SLC24A2: variants seen among roughly 807,000 people sequenced by gnomAD.
SLC24A2 encodes the protein sodium/potassium/calcium exchanger 2.
Under a neutral mutation model 62.0 loss-of-function variants are expected in SLC24A2, and 36 were observed. The observed-to-expected ratio is 0.58, with a 90% confidence interval of 0.44 to 0.77. The LOEUF (loss-of-function observed/expected upper bound fraction) is 0.77. Among genes scored for constraint, SLC24A2 ranks in the 30% least tolerant of loss-of-function variants. The probability of loss-of-function intolerance (pLI) is 0.00; values close to 1 mark genes in which losing one functional copy is unlikely to be tolerated. For synonymous variants in SLC24A2, 358 were observed against 294.0 expected (o/e 1.22, Z -2.23); for missense variants, 846 against 817.9 (o/e 1.03, Z -0.42).
the SLC24A2 span, among the ~76,000 whole-genome samples, chr9:20,277,306 G>A: frequency 2.0e-5 from 3 of 151,896 alleles, no homozygotes; most frequent in East Asian, 3.9e-4. Context: ...GCAACCTACA[G>A]AATGGGAGAA....
intron 2 of SLC24A2, among the ~76,000 whole-genome samples, chr9:19,629,505 C>A (rs1468600951): frequency 6.6e-6 from 1 of 152,172 alleles, no homozygotes; most frequent in Non-Finnish European, 1.5e-5. Context: ...GAATCACTTA[C>A]TATTGTCATG....
chr9:20,122,992 C>T, the SLC24A2 span, among the ~76,000 whole-genome samples: 4 of 152,262 alleles, frequency 2.6e-5, no homozygotes, highest in African/African-American at 7.2e-5. Flanking sequence ...ATCACCCATT[C>T]GATGCTTTGT....
chr9:19,595,864 AAAT>A (rs1457100326), intron 5 of SLC24A2, among the ~76,000 whole-genome samples: 18 of 152,226 alleles, frequency 1.2e-4, no homozygotes, highest in African/African-American at 4.3e-4. Context: ...GCCAAGAATA[AAAT>A]AATAACTGGG....
the SLC24A2 span, among the ~76,000 whole-genome samples, chr9:20,099,212 G>C: frequency 2.0e-5 from 3 of 152,188 alleles, no homozygotes; most frequent in African/African-American, 7.2e-5. Flanking sequence ...GGTTGACAAT[G>C]ATATTTCTTG....
At chr9:20,000,827 A>G in the SLC24A2 span, among the ~76,000 whole-genome samples, 1 of 152,218 alleles carries the variant, frequency 6.6e-6, no homozygotes, top group Admixed American at 6.5e-5. Flanking sequence ...TACACAGAGA[A>G]AACTTTCATG....
At chr9:19,967,594 C>G in the SLC24A2 span, 1 of 152,216 alleles carries the variant, frequency 6.6e-6, no homozygotes, top group Admixed American at 6.5e-5. Context: ...TTCTTTATAT[C>G]AAGCCCTCCT....
the SLC24A2 span, among the ~76,000 whole-genome samples, chr9:20,086,632 C>G: frequency 6.6e-6 from 1 of 152,192 alleles, no homozygotes; most frequent in South Asian, 2.1e-4. Flanking sequence ...TCGTCACAGT[C>G]TGAGTCTTGT....
chr9:20,221,903 A>G, the SLC24A2 span, among the ~76,000 whole-genome samples: 1 of 152,136 alleles, frequency 6.6e-6, no homozygotes, highest in Non-Finnish European at 1.5e-5. Flanking sequence ...GACACTCAGG[A>G]AGGAAATTAT....
chr9:19,634,794 A>G (rs1434582558), intron 2 of SLC24A2, among the ~76,000 whole-genome samples: 2 of 152,240 alleles, frequency 1.3e-5, no homozygotes, highest in Admixed American at 6.5e-5. Flanking sequence ...CAAAAAGTAC[A>G]TAATTTAAAA....
At chr9:20,277,026 T>C in the SLC24A2 span, among the ~76,000 whole-genome samples, 6 of 152,206 alleles carry the variant, frequency 3.9e-5, no homozygotes, top group African/African-American at 1.4e-4. Flanking sequence ...GCCCTAGACA[T>C]GTTCCCCATT....
At chr9:20,041,003 AAGGGC>A in the SLC24A2 span, among the ~76,000 whole-genome samples, 4 of 152,234 alleles carry the variant, frequency 2.6e-5, no homozygotes, top group Admixed American at 6.5e-5. Flanking sequence ...CTCTCCTAAA[AAGGGC>A]AGCTCTGCTA....
the SLC24A2 span, among the ~76,000 whole-genome samples, chr9:20,107,621 C>T: frequency 6.6e-6 from 1 of 152,096 alleles, no homozygotes; most frequent in Non-Finnish European, 1.5e-5. Flanking sequence ...ATAAATGGTG[C>T]TGGGAAAACT....
the SLC24A2 span, among the ~76,000 whole-genome samples, chr9:20,038,400 G>A: frequency 6.6e-6 from 1 of 152,292 alleles, no homozygotes; most frequent in Non-Finnish European, 1.5e-5. Flanking sequence ...ACCCCAGTAA[G>A]GACCTTGATT....
the SLC24A2 span, among the ~76,000 whole-genome samples, chr9:20,227,173 A>G: frequency 6.6e-6 from 1 of 152,150 alleles, no homozygotes; most frequent in Non-Finnish European, 1.5e-5. Context: ...CCTAACTGCC[A>G]TGACACACAG....
At chr9:19,551,684 C>T (rs935904949) in intron 7 of SLC24A2, among the ~76,000 whole-genome samples, 4 of 152,206 alleles carry the variant, frequency 2.6e-5, no homozygotes, top group African/African-American at 9.7e-5. Flanking sequence ...CGCCCCCCTC[C>T]AGCACCTGTG....
chr9:20,208,812 C>T, the SLC24A2 span, among the ~76,000 whole-genome samples: 1 of 152,182 alleles, frequency 6.6e-6, no homozygotes, highest in Non-Finnish European at 1.5e-5. Context: ...GGGACCTACT[C>T]CTCCTTAATG....
At chr9:20,224,190 A>T in the SLC24A2 span, among the ~76,000 whole-genome samples, 1 of 152,086 alleles carries the variant, frequency 6.6e-6, no homozygotes, top group East Asian at 1.9e-4. Flanking sequence ...TATACCAAGA[A>T]AACCTCAGAG....
the SLC24A2 span, among the ~76,000 whole-genome samples, chr9:20,119,165 C>T: frequency 6.6e-6 from 1 of 152,096 alleles, no homozygotes; most frequent in African/African-American, 2.4e-5. Context: ...CCTAATCAAG[C>T]TTGGAAGCAG....
chr9:19,935,530 A>T, the SLC24A2 span, among the ~76,000 whole-genome samples: 1 of 152,190 alleles, frequency 6.6e-6, no homozygotes, highest in Non-Finnish European at 1.5e-5. Context: ...TCATTCAATC[A>T]CCACCCTACT....
Sources: allele counts gnomAD v4.1 joint callset (sites outside exome capture counted in the v4.1 genomes callset), GRCh38; gene constraint gnomAD v4.1.1; transcripts MANE v1.5; gene names NCBI Gene and HGNC (gene_info 2026-07-23, HGNC 2026-07-21).